The following WDR49 variants were observed in gnomAD, a reference collection of about 807,000 sequenced individuals.
The protein encoded by WDR49 is cilia- and flagella-associated protein 337.
A neutral mutation model predicts 119.5 loss-of-function variants in WDR49; 107 were observed. The ratio of observed to expected loss-of-function variants is 0.90; its 90% confidence interval spans 0.77 to 1.05. The LOEUF is 1.05. Ranked by LOEUF, WDR49 falls within the 50% of genes least tolerant of loss-of-function variation. The pLI is 0.00. For synonymous variants in WDR49, 425 were observed against 418.8 expected, an observed-to-expected ratio of 1.01 and a Z score of -0.18; for missense variants, 1,240 against 1,220.5, an observed-to-expected ratio of 1.02 and a Z score of -0.24.
At chr3:167,615,382 C>T (rs987636179) in intron 5 of WDR49, among the ~76,000 whole-genome samples, 4 of 151,376 alleles carry the variant, frequency 2.6e-5, no homozygotes, top group African/African-American at 4.9e-5. Flanking sequence ...ACAATCTATC[C>T]ACCTTGGCCT....
intron 16 of WDR49, among the ~76,000 whole-genome samples, chr3:167,508,044 C>G (rs1751840207): frequency 6.6e-6 from 1 of 152,134 alleles, no homozygotes; most frequent in South Asian, 2.1e-4. Context: ...TGGGATCCAC[C>G]AGCTTTGGCA....
At chr3:167,543,009 G>A (rs1003979841) in intron 10 of WDR49, among the ~76,000 whole-genome samples, 2 of 151,966 alleles carry the variant, frequency 1.3e-5, no homozygotes, top group African/African-American at 4.8e-5. Flanking sequence ...AGGCAACTAT[G>A]AACACCTTTA....
chr3:167,603,537 A>T (rs1715881627), intron 6 of WDR49, among the ~76,000 whole-genome samples: 1 of 152,146 alleles, frequency 6.6e-6, no homozygotes, highest in Admixed American at 6.6e-5. Flanking sequence ...TAATCTTCAT[A>T]TGAATGACAA....
At chr3:167,505,669 A>C (rs553916823) in intron 16 of WDR49, among the ~76,000 whole-genome samples, 66 of 152,340 alleles carry the variant, frequency 4.3e-4, no homozygotes, top group African/African-American at 1.5e-3. Context: ...CCCTGTCCCC[A>C]TAGCAACAAG....
intron 10 of WDR49, among the ~76,000 whole-genome samples, chr3:167,551,658 G>T (rs78438394): frequency 0.011 from 1,717 of 151,988 alleles, 26 homozygotes; most frequent in African/African-American, 0.038. Flanking sequence ...AAATAAGGTT[G>T]CTAATACTTA....
At position 167,594,098 on chromosome 3, in the gene WDR49, A is replaced by G. The variant is rs183202682; in HGVS notation, c.1275+8029T>C. 5.0e-3 allele frequency among the ~76,000 whole-genome samples: 762 copies of G among 152,262 alleles called. 3 individuals are homozygous for G. Among genetic ancestry groups the G allele is most frequent in the Non-Finnish European group, 7.5e-3 (512 of 68,012 alleles). ...TACTTCCTTATAGCCATGTGAGAAC[A>G]AACTAATACAGAAAATTGGCACTGG... On this transcript the variant is annotated intron_variant, in intron 7 of 18. Coordinates refer to ENST00000682715, the MANE Select transcript of WDR49 (RefSeq NM_001366157.1).
chr3:167,616,545 G>T (rs1022927979), intron 5 of WDR49, among the ~76,000 whole-genome samples: 1 of 151,896 alleles, frequency 6.6e-6, no homozygotes, highest in African/African-American at 2.4e-5. Context: ...GAGAAACAAA[G>T]ATTAGCGTTA....
At position 167,653,429 on chromosome 3, in the gene WDR49, G is replaced by A; in HGVS notation, c.-4C>T. ...GTACAGCTTTCTGGCAACTCATAAT[G>A]GCTTCACCTTTTCTCAGTTGCCTTC... On this transcript the variant is annotated 5_prime_UTR_variant, in exon 2 of 19. Coordinates refer to ENST00000682715, the MANE Select transcript of WDR49 (RefSeq NM_001366157.1). 2.0e-6 allele frequency: 3 copies of A among 1,499,054 alleles called. No homozygotes were observed. The highest frequency in any genetic ancestry group is 8.8e-7 in the Non-Finnish European group (1 of 1,131,250). 92.9% of individuals were successfully genotyped at this position (1,499,054 alleles called of 1,614,324 possible). A position where few individuals can be genotyped will look rare whatever the true frequency, so the allele number is the denominator to read the frequency against.
intron 10 of WDR49, among the ~76,000 whole-genome samples, chr3:167,553,641 T>G (rs1472494981): frequency 6.6e-6 from 1 of 152,118 alleles, no homozygotes; most frequent in African/African-American, 2.4e-5. Context: ...TTTCTAAGTA[T>G]AGCGATCATT....
chr3:167,520,281 C>T lies in WDR49; in HGVS notation c.2774+2034G>A, dbSNP rs182632608. The stretch of plus-strand genomic sequence containing the variant: ...ATGTTTAAAGGATAACTGAGTTTGT[C>T]ATAAGGAATGGGAAATTAGTATCTT... On this transcript the variant is annotated intron_variant, in intron 16 of 18. Transcript: ENST00000682715. Among the ~76,000 whole-genome samples the T allele has an allele frequency of 8.4e-4, 128 of 151,800 alleles. 1 individual carries two copies. Among genetic ancestry groups the T allele is most frequent in the African/African-American group, 3.0e-3 (123 of 41,396 alleles).
chr3:167,648,369 A>G (rs1343486125), intron 2 of WDR49, among the ~76,000 whole-genome samples: 1 of 152,220 alleles, frequency 6.6e-6, no homozygotes, highest in African/African-American at 2.4e-5. Context: ...ACCGACTATT[A>G]AAACAAAGAT....
intron 18 of WDR49, among the ~76,000 whole-genome samples, chr3:167,496,017 A>C (rs181246142): frequency 1.3e-5 from 2 of 152,126 alleles, no homozygotes; most frequent in African/African-American, 4.8e-5. Flanking sequence ...AAAATTATTC[A>C]CAAGCAGGCC....
chr3:167,554,796 T>C lies in WDR49; in HGVS notation c.1677A>G (p.Ile559Met), dbSNP rs1017344885. Residue 559 changes from isoleucine to methionine, a missense_variant and splice_region_variant, in exon 10 of 19, where the codon ATA (isoleucine) becomes ATG (methionine). Ile to Met is a conservative substitution (Grantham distance 10). Transcript: ENST00000682715. ...GGTGACAATATCCATTGAAGTCCCA[T>C]ATCTTTAAGAGAAAAATTAAAACCA... ...LTGSTDGTVK[I>M]WDFNGYCHHT... The C allele has an allele frequency of 4.4e-6, 7 of 1,598,956 alleles. No homozygotes were observed. Among genetic ancestry groups the C allele is most frequent in the Non-Finnish European group, 6.0e-6 (7 of 1,175,218 alleles).
intron 5 of WDR49, among the ~76,000 whole-genome samples, chr3:167,606,499 C>A (rs1045903062): frequency 6.6e-6 from 1 of 152,156 alleles, no homozygotes; most frequent in Non-Finnish European, 1.5e-5. Context: ...TTTTAGGCTT[C>A]TGTTTTAAGC....
chr3:167,537,397 C>T (rs1711527183), intron 10 of WDR49, among the ~76,000 whole-genome samples: 1 of 152,072 alleles, frequency 6.6e-6, no homozygotes, highest in South Asian at 2.1e-4. Flanking sequence ...TTTTGTACTT[C>T]AAACAAAGTC....
intron 16 of WDR49, among the ~76,000 whole-genome samples, chr3:167,507,930 G>A (rs1287166126): frequency 6.6e-6 from 1 of 152,154 alleles, no homozygotes; most frequent in Non-Finnish European, 1.5e-5. Context: ...GAGAAGTGAT[G>A]GATGAAGACA....
At chr3:167,641,198 C>G (rs1300394260) in intron 2 of WDR49, among the ~76,000 whole-genome samples, 1 of 151,892 alleles carries the variant, frequency 6.6e-6, no homozygotes, top group Admixed American at 6.6e-5. Flanking sequence ...ATCTCCAAGT[C>G]TGGAAGGCTC....
At chr3:167,510,159 CAGATCACGAGGTCAGG>C (rs1301053294) in intron 16 of WDR49, among the ~76,000 whole-genome samples, 6 of 152,140 alleles carry the variant, frequency 3.9e-5, no homozygotes, top group Non-Finnish European at 5.9e-5. Flanking sequence ...CCGAGGCGGG[CAGATCACGAGGTCAGG>C]AGTTCAAGAC....
chr3:167,534,404 A>G (rs893359227), intron 11 of WDR49, among the ~76,000 whole-genome samples: 7 of 152,148 alleles, frequency 4.6e-5, no homozygotes, highest in African/African-American at 1.7e-4. Context: ...ATACTTTCAC[A>G]ATAACAACCA....
Sources: allele counts gnomAD v4.1 joint callset (sites outside exome capture counted in the v4.1 genomes callset), GRCh38; gene constraint gnomAD v4.1.1; transcripts MANE v1.5; gene names NCBI Gene and HGNC (gene_info 2026-07-23, HGNC 2026-07-21).